Variants in TCF7L2 observed in about 807,000 individuals in gnomAD.
TCF7L2 encodes transcription factor 7-like 2.
Under a neutral mutation model 77.9 loss-of-function variants are expected in TCF7L2, and 23 were observed. The ratio of observed to expected loss-of-function variants is 0.30; its 90% confidence interval spans 0.21 to 0.42. The LOEUF is 0.42. Among genes scored for constraint, TCF7L2 ranks in the 10% least tolerant of loss-of-function variants. The pLI is 1.00. For missense variants in TCF7L2, 654 were observed against 793.1 expected (o/e 0.82, Z 2.11); for synonymous variants, 413 against 340.2 (o/e 1.21, Z -2.36).
At chr10:112,951,422 C>T (rs2134200848) in intron 2 of TCF7L2, 61 bp from the exon 3 acceptor site, 1 of 1,319,800 alleles carries the variant, frequency 7.6e-7, no homozygotes, top group South Asian at 1.3e-5. Flanking sequence ...TAAAAAGTTT[C>T]TCCTCACTCT....
chr10:113,036,098 TATCATCATCATCATCACCATC>T (rs1248949332), intron 4 of TCF7L2, among the ~76,000 whole-genome samples: 11 of 140,988 alleles, frequency 7.8e-5, no homozygotes, highest in African/African-American at 2.7e-4. Context: ...TTTGTCGCCA[TATCATCATCATCATCACCATC>T]ATCATCATCA....
intron 4 of TCF7L2, among the ~76,000 whole-genome samples, chr10:112,972,139 A>ATT (rs1285933931): frequency 6.6e-6 from 1 of 152,054 alleles, no homozygotes; most frequent in Admixed American, 6.6e-5. Context: ...TCAATTGATC[A>ATT]TTTATTGGCT....
intron 5 of TCF7L2, among the ~76,000 whole-genome samples, chr10:113,066,704 C>CCAA (rs1035047960): frequency 2.0e-5 from 3 of 152,182 alleles, no homozygotes; most frequent in Non-Finnish European, 4.4e-5. Flanking sequence ...CGTGGTTGTG[C>CCAA]CAACGATCAG....
chr10:113,017,400 G>A (rs1162917540), intron 4 of TCF7L2, among the ~76,000 whole-genome samples: 2 of 152,162 alleles, frequency 1.3e-5, no homozygotes, highest in Admixed American at 1.3e-4. Flanking sequence ...CGGGAGCTCA[G>A]CATCCCATGT....
chr10:113,128,887 G>A (rs1253234616), intron 5 of TCF7L2, among the ~76,000 whole-genome samples: 1 of 152,054 alleles, frequency 6.6e-6, no homozygotes, highest in South Asian at 2.1e-4. Flanking sequence ...AAAGTAAGTC[G>A]GGTTTGTGGA....
rs780234613 is a variant in TCF7L2 at position 113,165,840 on chromosome 10, C to G, written c.1677C>G (p.Pro559=). The G allele has an allele frequency of 6.2e-7, 1 of 1,607,482 alleles. No homozygotes were observed. The highest frequency in any genetic ancestry group is 8.5e-7 in the Non-Finnish European group (1 of 1,176,110). The change falls in exon 14 of 14, where the codon CCC becomes CCG. Residue 559 remains proline (P), a synonymous_variant. Coordinates refer to ENST00000627217, the MANE Select transcript of TCF7L2 (RefSeq NM_001146274.2). ...GTCCCAACGGGGCCCTGGACCTGCC[C>G]CCAGCCGCTTTGCAGCCTGCCGCCC...
intron 4 of TCF7L2, among the ~76,000 whole-genome samples, chr10:113,010,324 A>G (rs891834519): frequency 7.2e-5 from 11 of 152,180 alleles, no homozygotes; most frequent in African/African-American, 2.4e-4. Context: ...TGTGCTGCAC[A>G]TTAGGTTCAC....
rs772721613 is a variant in TCF7L2, at chr10:113,167,304, G to A, written c.*1332G>A. The stretch of plus-strand genomic sequence containing the variant: ...ACTCTTAAACGAAAAACCAGCTGCC[G>A]CTTTTATGTACACATATTACATACG... On this transcript the variant is annotated 3_prime_UTR_variant, in exon 14 of 14. Transcript: ENST00000627217. 1.2e-4 allele frequency: 27 copies of A among 227,480 alleles called. No individual in the cohort carries two copies. The highest frequency in any genetic ancestry group is 1.1e-3 in the East Asian group (17 of 15,682). 14.1% of individuals were successfully genotyped at this position (227,480 alleles called of 1,614,324 possible).
At chr10:113,110,555 C>T (rs2062997844) in intron 5 of TCF7L2, among the ~76,000 whole-genome samples, 1 of 152,136 alleles carries the variant, frequency 6.6e-6, no homozygotes, top group Non-Finnish European at 1.5e-5. Context: ...AGCTCTTCTT[C>T]TCACAAGCCT....
intron 4 of TCF7L2, among the ~76,000 whole-genome samples, chr10:113,015,242 C>T (rs1447885349): frequency 6.6e-6 from 1 of 152,242 alleles, no homozygotes; most frequent in East Asian, 1.9e-4. Flanking sequence ...TCCCATTCCT[C>T]TGCTGTCTCT....
chr10:112,964,692 C>T (rs753032622), intron 4 of TCF7L2, 68 bp downstream of exon 4: 269 of 1,332,222 alleles, frequency 2.0e-4, no homozygotes, highest in Non-Finnish European at 2.3e-4. Flanking sequence ...TTTTATTCTC[C>T]GCCCCTTCCC....
chr10:113,119,212 G>A (rs1057046721), intron 5 of TCF7L2, among the ~76,000 whole-genome samples: 6 of 152,138 alleles, frequency 3.9e-5, no homozygotes, highest in Middle Eastern at 3.2e-3. Flanking sequence ...GCCAGTGGTC[G>A]ATAGGAGAGA....
At chr10:112,995,252 A>C (rs985499262) in intron 4 of TCF7L2, among the ~76,000 whole-genome samples, 4 of 152,190 alleles carry the variant, frequency 2.6e-5, no homozygotes, top group African/African-American at 9.6e-5. Context: ...ACTGGGCTAG[A>C]GGTGAAGAAT....
Position 113,165,944 on chromosome 10 carries a change from TGTCGCTC to T in TCF7L2, c.1785_1791del (p.Leu596ProfsTer4). 1.3e-6 allele frequency: 2 copies of T among 1,540,970 alleles called. No homozygotes were observed. Among genetic ancestry groups the T allele is most frequent in the Non-Finnish European group, 1.8e-6 (2 of 1,142,260 alleles). On this transcript the variant is annotated frameshift_variant, in exon 14 of 14. Coordinates refer to ENST00000627217, the MANE Select transcript of TCF7L2 (RefSeq NM_001146274.2). LOFTEE classifies it high-confidence loss of function. ...CTGGCCGGGACCCAGCCCCAGCCGCTGTCGCTCGTCACCAAGTCTTTAGAATAGCTTT... is the reference window on the plus strand; with the variant it reads ...CTGGCCGGGACCCAGCCCCAGCCGCTGTCACCAAGTCTTTAGAATAGCTTT...
chr10:113,166,129 T>TA lies in TCF7L2; in HGVS notation c.*157_*158insA. 3.3e-6 allele frequency: 2 copies of TA among 599,908 alleles called. No individual in the cohort carries two copies. Among genetic ancestry groups the TA allele is most frequent in the Non-Finnish European group, 5.0e-6 (2 of 401,388 alleles). The allele number at this position is 599,908 out of a possible 1,614,324, so 37.2% of individuals were successfully genotyped here. On this transcript the variant is annotated 3_prime_UTR_variant, in exon 14 of 14. Transcript: ENST00000627217. ...TGTTTATCGAGTTCATTGGTCAATA[T>TA]TTGACCCATTCTTATTTCAATTTCT...
chr10:113,102,829 A>G (rs552892683), intron 5 of TCF7L2, among the ~76,000 whole-genome samples: 1 of 152,328 alleles, frequency 6.6e-6, no homozygotes, highest in Admixed American at 6.5e-5. Context: ...ATCATGTATT[A>G]AAAATCCACT....
intron 8 of TCF7L2, among the ~76,000 whole-genome samples, chr10:113,147,648 A>G (rs2069764012): frequency 1.3e-5 from 2 of 152,178 alleles, no homozygotes; most frequent in South Asian, 2.1e-4. Flanking sequence ...CCACGGCTAC[A>G]TGTCATTCTA....
chr10:112,966,927 A>G (rs976648656), intron 4 of TCF7L2, among the ~76,000 whole-genome samples: 2 of 152,220 alleles, frequency 1.3e-5, no homozygotes, highest in African/African-American at 4.8e-5. Context: ...GAGACATTTT[A>G]TTAGAGACCC....
At chr10:113,073,008 G>C (rs1315307080) in intron 5 of TCF7L2, among the ~76,000 whole-genome samples, 1 of 152,030 alleles carries the variant, frequency 6.6e-6, no homozygotes, top group Admixed American at 6.6e-5. Context: ...CCCTGAGCTA[G>C]AGCAACTATG....
Sources: allele counts gnomAD v4.1 joint callset (sites outside exome capture counted in the v4.1 genomes callset), GRCh38; gene constraint gnomAD v4.1.1; transcripts MANE v1.5; gene names NCBI Gene and HGNC (gene_info 2026-07-23, HGNC 2026-07-21).